Variants in DLG3 observed in about 807,000 individuals in gnomAD.
DLG3 encodes disks large homolog 3.
A neutral mutation model predicts 64.1 loss-of-function variants in DLG3; 1 was observed. That is an observed-to-expected ratio of 0.02 (90% CI 0.01 to 0.07). The LOEUF (loss-of-function observed/expected upper bound fraction) is 0.07. DLG3 is among the 10% of genes least tolerant of loss of function. DLG3 has a pLI of 1.00. For missense variants in DLG3, 429 were observed against 669.5 expected, an observed-to-expected ratio of 0.64 and a Z score of 3.96; for synonymous variants, 245 against 259.8, an observed-to-expected ratio of 0.94 and a Z score of 0.55.
intron 9 of DLG3, among the ~76,000 whole-genome samples, chrX:70,470,937 A>T (rs1326962575): frequency 9.0e-6 from 1 of 111,168 alleles, no homozygotes; most frequent in African/African-American, 3.3e-5. Context: ...AACCTCTGAC[A>T]TGTTAGTGTT....
chrX:70,446,335 C>G (rs919353022), intron 1 of DLG3, among the ~76,000 whole-genome samples: 1 of 104,593 alleles, frequency 9.6e-6, no homozygotes. Flanking sequence ...AGGAAGGAGG[C>G]GAGAGACATG....
chrX:70,488,295 C>A (rs1395629586), intron 10 of DLG3, among the ~76,000 whole-genome samples: 1 of 111,885 alleles, frequency 8.9e-6, no homozygotes, highest in Non-Finnish European at 1.9e-5. Context: ...CAGATGTGAG[C>A]CACTGCACCC....
rs1457969484 is a variant in DLG3 at position 70,498,508 on chromosome X, T to C, written c.1820-12T>C. ...TCATATGGTGCTAACCTATCTCTCTTTTTTGTTGCAGAAGGACAAGAGGAT... is the reference window on the plus strand; with the variant it reads ...TCATATGGTGCTAACCTATCTCTCTCTTTTGTTGCAGAAGGACAAGAGGAT... On this transcript the variant is annotated splice_polypyrimidine_tract_variant and intron_variant, in intron 13 of 18. Coordinates refer to ENST00000374360, the MANE Select transcript of DLG3 (RefSeq NM_021120.4). 2 of 1,207,538 alleles carry C rather than the reference T, an allele frequency of 1.7e-6. No individual in the cohort carries two copies. The highest frequency in any genetic ancestry group is 5.9e-5 in the East Asian group (2 of 33,724).
At position 70,453,694 on chromosome X, in the gene DLG3, A is replaced by G. The variant is rs1313420907; in HGVS notation, c.1203A>G (p.Val401=). ...KGSTGLGFNI[V]GGEDGEGIFV... ...CCACAGGCCTGGGCTTCAACATCGTAGGAGGAGAGGATGGAGAAGGCATTT... is the reference window on the plus strand; with the variant it reads ...CCACAGGCCTGGGCTTCAACATCGTGGGAGGAGAGGATGGAGAAGGCATTT... The change falls in exon 8 of 19, where the codon GTA becomes GTG. Residue 401 remains valine, a synonymous_variant. Transcript: ENST00000374360. 3 of 1,206,560 alleles carry G rather than the reference A, an allele frequency of 2.5e-6. No homozygotes were observed. In the African/African-American group the frequency reaches 5.3e-5, roughly 21 times the overall value.
chrX:70,499,551 G>A, intron 15 of DLG3, among the ~76,000 whole-genome samples: 1 of 111,841 alleles, frequency 8.9e-6, no homozygotes, highest in East Asian at 2.8e-4. Flanking sequence ...AGCCAAAGTG[G>A]TGTTGATGTG....
intron 11 of DLG3, 37 bp downstream of exon 11, chrX:70,492,320 C>A: frequency 1.0e-5 from 12 of 1,199,260 alleles, no homozygotes; most frequent in Non-Finnish European, 1.2e-5. Context: ...CCTTTCCTGC[C>A]CTCTTGCTGG....
chrX:70,489,698 A>T (rs2087322691), intron 10 of DLG3, among the ~76,000 whole-genome samples: 2 of 111,637 alleles, frequency 1.8e-5, no homozygotes, highest in Admixed American at 9.5e-5. Flanking sequence ...TGTTTACGTC[A>T]ACTCTACTTT....
intron 1 of DLG3, among the ~76,000 whole-genome samples, chrX:70,446,504 G>A (rs189953748): frequency 1.9e-3 from 213 of 112,539 alleles, no homozygotes; most frequent in Non-Finnish European, 3.5e-3. Context: ...CCTGGAGCCG[G>A]CAAGGGGCAG....
chrX:70,469,359 T>G (rs2147817444), intron 9 of DLG3, among the ~76,000 whole-genome samples: 1 of 111,260 alleles, frequency 9.0e-6, no homozygotes, highest in Non-Finnish European at 1.9e-5. Context: ...AGAAATGTTC[T>G]GATATTTGGC....
intron 7 of DLG3, chrX:70,452,586 G>T: frequency 1.7e-6 from 2 of 1,171,392 alleles, no homozygotes; most frequent in Non-Finnish European, 2.3e-6. Context: ...CAGTGGAGCC[G>T]GAAGGGTAGG....
intron 10 of DLG3, among the ~76,000 whole-genome samples, chrX:70,488,015 T>A (rs188367305): frequency 1.8e-5 from 2 of 108,361 alleles, no homozygotes; most frequent in Admixed American, 9.9e-5. Flanking sequence ...AAGAATTAGC[T>A]TTTTTTTCTT....
At position 70,498,588 on chromosome X, in the gene DLG3, G is replaced by C. The variant is rs374471643; in HGVS notation, c.1870+18G>C. 5.9e-6 allele frequency: 7 copies of C among 1,195,587 alleles called. No individual in the cohort carries two copies. The highest frequency in any genetic ancestry group is 5.2e-5 in the African/African-American group (3 of 57,701). ...GCAAGAAAGTAAGCCTCCTCTGAGA[G>C]CCTTGTCTTCGTGCTGGTCTCCTGG... On this transcript the variant is annotated intron_variant, in intron 14 of 18. Transcript: ENST00000374360.
intron 10 of DLG3, among the ~76,000 whole-genome samples, chrX:70,483,679 G>T (rs185415370): frequency 8.9e-6 from 1 of 112,767 alleles, no homozygotes; most frequent in East Asian, 2.8e-4. Context: ...AGCTGCAGCT[G>T]TACTAACCAC....
In DLG3 at chrX:70,505,170, G is replaced by A. The variant is rs2087631206; in HGVS notation, c.*2901G>A. 8.9e-6 allele frequency: 1 copy of A among 112,620 alleles called. No individual in the cohort carries two copies. The highest frequency in any genetic ancestry group is 3.7e-4 in the South Asian group (1 of 2,685). The allele number at this position is 112,620 out of a possible 1,213,427, so 9.3% of individuals were successfully genotyped here. ...ATCTCCTGAGGACAAAGAGAACAAA[G>A]ATCTGTCCTGTGGTCACACTGTTGA... is the stretch of plus-strand genomic sequence containing the variant. On this transcript the variant is annotated 3_prime_UTR_variant, in exon 19 of 19. Transcript: ENST00000374360.
In DLG3 at chrX:70,492,489, A is replaced by G. The variant is rs767971062; in HGVS notation, c.1698-32A>G. 2.8e-5 allele frequency: 34 copies of G among 1,195,945 alleles called. 1 individual carries two copies. In the South Asian group the frequency reaches 6.1e-4, roughly 22 times the overall value. ...CCCACTGCTGAGACCATTTACTGGC[A>G]GTAACAGGACTTCTTTCTGATTCCA... On this transcript the variant is annotated intron_variant, in intron 11 of 18. Coordinates refer to ENST00000374360, the MANE Select transcript of DLG3 (RefSeq NM_021120.4).
chrX:70,459,483 G>T (rs1452558088), intron 9 of DLG3, among the ~76,000 whole-genome samples: 1 of 112,347 alleles, frequency 8.9e-6, no homozygotes, highest in East Asian at 2.8e-4. Flanking sequence ...AAGCACAAAG[G>T]TGAGAGTATA....
At position 70,504,446 on chromosome X, in the gene DLG3, T is replaced by C. The variant is rs1037348762; in HGVS notation, c.*2177T>C. The C allele has an allele frequency of 8.9e-6, 1 of 112,158 alleles. No individual in the cohort carries two copies. The highest frequency in any genetic ancestry group is 2.8e-4 in the East Asian group (1 of 3,558). The allele number at this position is 112,158 out of a possible 1,213,427, so 9.2% of individuals were successfully genotyped here. A position where few individuals can be genotyped will look rare whatever the true frequency, so the allele number is the denominator to read the frequency against. On this transcript the variant is annotated 3_prime_UTR_variant, in exon 19 of 19. Coordinates refer to ENST00000374360, the MANE Select transcript of DLG3 (RefSeq NM_021120.4). Reference sequence around the variant, plus strand: ...CAGTGGGAAGAACATCCCAAACTTTTGGGGGCCAGAGGGCTCTCTCCTTAG... The same window carrying C: ...CAGTGGGAAGAACATCCCAAACTTTCGGGGGCCAGAGGGCTCTCTCCTTAG...
At chrX:70,492,360 T>C in intron 11 of DLG3, 77 bp downstream of exon 11, 1 of 1,160,961 alleles carries the variant, frequency 8.6e-7, no homozygotes, top group Non-Finnish European at 1.2e-6. Context: ...TATTAGAAGT[T>C]GCTTGAGAGC....
intron 9 of DLG3, among the ~76,000 whole-genome samples, chrX:70,462,040 T>TCCCCCCCCCCCCCCCCCCCC (rs540004723): frequency 1.3e-5 from 1 of 76,970 alleles, no homozygotes; most frequent in Admixed American, 1.5e-4. Flanking sequence ...TCACTCCTCA[T>TCCCCCCCCCCCCCCCCCCCC]CCCCCCCCCA....
Sources: gnomAD v4.1 joint callset for allele counts (sites outside exome capture counted in the v4.1 genomes callset) on GRCh38, gnomAD v4.1.1 for gene constraint, MANE v1.5 for transcripts, NCBI Gene and HGNC (gene_info 2026-07-23, HGNC 2026-07-21) for gene names.